Variants in CDH1 observed in about 807,000 individuals in gnomAD.
CDH1 encodes the protein cadherin-1.
In CDH1, 35 loss-of-function variants were observed where a neutral mutation model predicts 84.5. The ratio of observed to expected loss-of-function variants is 0.41; its 90% confidence interval spans 0.32 to 0.55. CDH1 has a LOEUF of 0.55. CDH1 is among the 20% of genes least tolerant of loss of function. The pLI, the probability that CDH1 is intolerant of heterozygous loss-of-function variation, is 0.19. For missense variants in CDH1, 994 were observed against 1,126.6 expected (o/e 0.88, Z 1.68); for synonymous variants, 417 against 439.0 (o/e 0.95, Z 0.63).
chr16:68,764,788 C>T (rs1219927665), intron 2 of CDH1, among the ~76,000 whole-genome samples: 2 of 152,182 alleles, frequency 1.3e-5, no homozygotes, highest in Non-Finnish European at 2.9e-5. Flanking sequence ...GAGCCCCTTC[C>T]TTCTGTCTGT....
chr16:68,815,796 TG>T (rs749913413), intron 10 of CDH1, 37 bp downstream of exon 10: 2 of 1,611,442 alleles, frequency 1.2e-6, no homozygotes, highest in South Asian at 2.2e-5. Flanking sequence ...TTGCAGCAAC[TG>T]GTTATTTTAT....
intron 2 of CDH1, among the ~76,000 whole-genome samples, chr16:68,788,205 C>G (rs1960117857): frequency 6.6e-6 from 1 of 152,126 alleles, no homozygotes; most frequent in Non-Finnish European, 1.5e-5. Flanking sequence ...TGCCTGGATT[C>G]TTTCATTTTT....
intron 2 of CDH1, among the ~76,000 whole-genome samples, chr16:68,757,434 T>A (rs560374709): frequency 7.7e-4 from 117 of 152,322 alleles, no homozygotes; most frequent in African/African-American, 2.6e-3. Context: ...CTTTGGGCTT[T>A]GTAATTTGGT....
chr16:68,782,277 C>G (rs1959906422), intron 2 of CDH1, among the ~76,000 whole-genome samples: 1 of 152,162 alleles, frequency 6.6e-6, no homozygotes, highest in South Asian at 2.1e-4. Context: ...GGGATGTTGC[C>G]CTGTCCCAGG....
At chr16:68,826,154 AT>A (rs200634216) in intron 13 of CDH1, among the ~76,000 whole-genome samples, 90 of 148,336 alleles carry the variant, frequency 6.1e-4, no homozygotes, top group African/African-American at 2.1e-3. Context: ...TACTTGAAAT[AT>A]TTTTTTTTTA....
chr16:68,830,011 G>A (rs1462436208), intron 15 of CDH1, among the ~76,000 whole-genome samples: 2 of 144,674 alleles, frequency 1.4e-5, no homozygotes, highest in East Asian at 4.0e-4. Context: ...AGGCTGGAGT[G>A]CAATGGCGCA....
intron 10 of CDH1, among the ~76,000 whole-genome samples, chr16:68,818,902 C>G (rs916662897): frequency 9.3e-5 from 14 of 151,222 alleles, no homozygotes; most frequent in Non-Finnish European, 2.1e-4. Flanking sequence ...GTTGCCCAGG[C>G]TGGAGTGCAG....
chr16:68,755,610 T>A (rs1962998411), intron 2 of CDH1, among the ~76,000 whole-genome samples: 1 of 152,014 alleles, frequency 6.6e-6, no homozygotes, highest in African/African-American at 2.4e-5. Flanking sequence ...CATTTTTTAT[T>A]TATTTATCTT....
intron 3 of CDH1, among the ~76,000 whole-genome samples, chr16:68,802,499 C>T (rs758306452): frequency 7.3e-5 from 11 of 151,192 alleles, no homozygotes; most frequent in South Asian, 2.1e-4. Context: ...TTTTTTAAGA[C>T]GTAGTCTCAC....
intron 2 of CDH1, among the ~76,000 whole-genome samples, chr16:68,755,282 C>CAAAAAAAAA (rs1188775959): frequency 0.026 from 2,498 of 95,836 alleles, 156 homozygotes; most frequent in African/African-American, 0.043. Context: ...GACTCTGTCT[C>CAAAAAAAAA]AAAAAAAAAA....
chr16:68,739,950 G>C (rs1216889979), intron 2 of CDH1, among the ~76,000 whole-genome samples: 2 of 152,070 alleles, frequency 1.3e-5, no homozygotes, highest in African/African-American at 4.8e-5. Flanking sequence ...AAGCATGGTA[G>C]TTCTGACTCA....
intron 2 of CDH1, among the ~76,000 whole-genome samples, chr16:68,790,347 A>T (rs1157209281): frequency 6.6e-6 from 1 of 152,164 alleles, no homozygotes; most frequent in East Asian, 1.9e-4. Context: ...AAGAAAAAGG[A>T]GGAAGAAAAT....
intron 2 of CDH1, among the ~76,000 whole-genome samples, chr16:68,753,885 G>A (rs534826810): frequency 6.6e-6 from 1 of 151,428 alleles, no homozygotes; most frequent in Non-Finnish European, 1.5e-5. Context: ...GGGAGGCTGA[G>A]GCAGGCGGAT....
chr16:68,817,101 G>A (rs901037035), intron 10 of CDH1, among the ~76,000 whole-genome samples: 4 of 152,222 alleles, frequency 2.6e-5, no homozygotes, highest in African/African-American at 9.6e-5. Flanking sequence ...TTCCAAAGAA[G>A]TGAGGCCAAG....
At chr16:68,795,335 C>G (rs1325280459) in intron 2 of CDH1, among the ~76,000 whole-genome samples, 1 of 151,380 alleles carries the variant, frequency 6.6e-6, no homozygotes, top group Non-Finnish European at 1.5e-5. Context: ...AGTTAGATTT[C>G]TTTTTTTTTA....
chr16:68,796,499 G>A (rs1490557362), intron 2 of CDH1, among the ~76,000 whole-genome samples: 2 of 152,226 alleles, frequency 1.3e-5, no homozygotes, highest in African/African-American at 4.8e-5. Flanking sequence ...GATCGTCAAA[G>A]TGGGACTGTT....
chr16:68,835,006 G>T lies in CDH1; in HGVS notation c.*1507G>T, dbSNP rs1241118443. ...GTTTCTGACACAAGATCCGTGGTTTGTACTCAAAGCCCAGAATCCCCAAGT... is the reference window on the plus strand; with the variant it reads ...GTTTCTGACACAAGATCCGTGGTTTTTACTCAAAGCCCAGAATCCCCAAGT... On this transcript the variant is annotated 3_prime_UTR_variant, in exon 16 of 16. Coordinates refer to ENST00000261769, the MANE Select transcript of CDH1 (RefSeq NM_004360.5). The T allele has an allele frequency of 4.3e-6, 1 of 232,006 alleles. No homozygotes were observed. The highest frequency in any genetic ancestry group is 6.0e-5 in the East Asian group (1 of 16,534). 14.4% of individuals were successfully genotyped at this position (232,006 alleles called of 1,614,324 possible).
In CDH1 at chr16:68,811,265, C is replaced by T. The variant is rs147318861; in HGVS notation, c.833-419C>T. On this transcript the variant is annotated intron_variant, in intron 6 of 15. Transcript: ENST00000261769. The stretch of plus-strand genomic sequence containing the variant: ...ATAGAAAATTAGCTGGGCGTGGCGA[C>T]GCATGCCTATAATTCCAGATACTTG... 1.9e-4 allele frequency among the ~76,000 whole-genome samples: 29 copies of T among 151,990 alleles called. No individual in the cohort carries two copies. The East Asian group carries it at 5.2e-3, about 27-fold the overall frequency.
intron 2 of CDH1, among the ~76,000 whole-genome samples, chr16:68,759,588 C>T (rs576928966): frequency 1.3e-5 from 2 of 151,024 alleles, no homozygotes; most frequent in Non-Finnish European, 2.9e-5. Flanking sequence ...CTCCCGAGTT[C>T]AAGCGATTCT....
Sources: allele counts gnomAD v4.1 joint callset (sites outside exome capture counted in the v4.1 genomes callset), GRCh38; gene constraint gnomAD v4.1.1; transcripts MANE v1.5; gene names NCBI Gene and HGNC (gene_info 2026-07-23, HGNC 2026-07-21).